The following GIN1 variants were observed in gnomAD, a reference collection of about 807,000 sequenced individuals.
The protein encoded by GIN1 is gypsy retrotransposon integrase-like protein 1.
Under a neutral mutation model 51.4 loss-of-function variants are expected in GIN1, and 41 were observed. That is an observed-to-expected ratio of 0.80 (90% CI 0.62 to 1.04). The LOEUF (loss-of-function observed/expected upper bound fraction) is 1.04, where lower values mean the gene tolerates loss of function less well. Ranked by LOEUF, GIN1 falls within the 50% of genes least tolerant of loss-of-function variation. The pLI, the probability that GIN1 is intolerant of heterozygous loss-of-function variation, is 0.00. For missense variants in GIN1, 610 were observed against 612.4 expected (o/e 1.00, Z 0.04); for synonymous variants, 222 against 206.5 (o/e 1.07, Z -0.64).
chr5:103,095,168 G>A (rs76396052), intron 7 of GIN1, among the ~76,000 whole-genome samples: 63 of 152,274 alleles, frequency 4.1e-4, no homozygotes, highest in African/African-American at 1.5e-3. Context: ...TCCATTAAAT[G>A]TTACTTATAT....
rs1336888912 is a variant in GIN1, at chr5:103,120,079, T to C, written c.-23A>G. ...GACCACTCACCGAGGTGGTCCTAAA[T>C]TCAAACGACAGATTTAAGCTTCCTC... On this transcript the variant is annotated 5_prime_UTR_variant, in exon 1 of 8. Transcript: ENST00000399004. 6 of 190,582 alleles carry C rather than the reference T, an allele frequency of 3.1e-5. No homozygotes were observed. The South Asian group carries it at 5.0e-4, about 16-fold the overall frequency. 11.8% of individuals were successfully genotyped at this position (190,582 alleles called of 1,614,324 possible).
chr5:103,104,916 A>G, intron 3 of GIN1, 70 bp from the exon 4 acceptor site: 1 of 948,158 alleles, frequency 1.1e-6, no homozygotes. Context: ...AAGCAGTCTT[A>G]TAAATCTGAA....
At chr5:103,117,879 T>C (rs1220119049) in intron 1 of GIN1, among the ~76,000 whole-genome samples, 7 of 152,126 alleles carry the variant, frequency 4.6e-5, no homozygotes, top group Non-Finnish European at 8.8e-5. Flanking sequence ...TGGTGTCTCT[T>C]ACTTCAAATT....
intron 4 of GIN1, chr5:103,102,291 A>G (rs1304799444): frequency 6.6e-6 from 1 of 152,174 alleles, no homozygotes; most frequent in East Asian, 1.9e-4. Flanking sequence ...TACTAGACAC[A>G]TTTGTGACAC....
chr5:103,109,890 C>CT, intron 1 of GIN1, among the ~76,000 whole-genome samples: 1 of 152,054 alleles, frequency 6.6e-6, no homozygotes, highest in African/African-American at 2.4e-5. Flanking sequence ...TAAGGACAGA[C>CT]AAATACATCA....
At chr5:103,119,064 ACTTTGTCCC>A (rs1262643102) in intron 1 of GIN1, among the ~76,000 whole-genome samples, 2 of 152,200 alleles carry the variant, frequency 1.3e-5, no homozygotes, top group African/African-American at 2.4e-5. Flanking sequence ...AGCTTTATAC[ACTTTGTCCC>A]CTCCATAAAA....
intron 4 of GIN1, among the ~76,000 whole-genome samples, chr5:103,099,960 T>C (rs1787522731): frequency 6.6e-6 from 1 of 152,228 alleles, no homozygotes; most frequent in Non-Finnish European, 1.5e-5. Context: ...CATTTTGTAC[T>C]GTCATCGTTA....
intron 1 of GIN1, among the ~76,000 whole-genome samples, chr5:103,112,928 G>A (rs1787927290): frequency 1.3e-5 from 2 of 151,824 alleles, no homozygotes; most frequent in Non-Finnish European, 2.9e-5. Flanking sequence ...GAAAAGAGGA[G>A]GAAATCAGCA....
intron 3 of GIN1, among the ~76,000 whole-genome samples, chr5:103,106,367 T>C (rs1787725664): frequency 6.6e-6 from 1 of 152,142 alleles, no homozygotes; most frequent in East Asian, 1.9e-4. Context: ...TATTCTCCCC[T>C]TAAGAAAACC....
chr5:103,092,424 A>C (rs981088861), intron 7 of GIN1, among the ~76,000 whole-genome samples: 1 of 152,198 alleles, frequency 6.6e-6, no homozygotes, highest in African/African-American at 2.4e-5. Flanking sequence ...GTATTTCTTC[A>C]ATCAGAAAAA....
Position 103,087,848 on chromosome 5 carries a change from A to G in GIN1, c.*50T>C. 1 of 757,526 alleles carries G rather than the reference A, an allele frequency of 1.3e-6. No homozygotes were observed. The highest frequency in any genetic ancestry group is 3.0e-5 in the Admixed American group (1 of 32,974). 46.9% of individuals were successfully genotyped at this position (757,526 alleles called of 1,614,324 possible). Reference sequence around the variant, plus strand: ...CAACGTTTTTAATGAATAAGATATCATTAAGAATTTATATTCTAAACAAAC... The same window carrying G: ...CAACGTTTTTAATGAATAAGATATCGTTAAGAATTTATATTCTAAACAAAC... On this transcript the variant is annotated 3_prime_UTR_variant, in exon 8 of 8. Coordinates refer to ENST00000399004, the MANE Select transcript of GIN1 (RefSeq NM_017676.2).
chr5:103,107,718 T>C (rs1554196495), intron 2 of GIN1, among the ~76,000 whole-genome samples: 1 of 152,134 alleles, frequency 6.6e-6, no homozygotes, highest in East Asian at 1.9e-4. Flanking sequence ...AGAAACCCAG[T>C]TAACATTTGT....
At chr5:103,100,202 G>C (rs1554195625) in intron 4 of GIN1, among the ~76,000 whole-genome samples, 2 of 151,496 alleles carry the variant, frequency 1.3e-5, no homozygotes, top group Non-Finnish European at 2.9e-5. Flanking sequence ...CTGGGCTCAA[G>C]CGATCTTCCC....
At chr5:103,113,767 C>T (rs1787948953) in intron 1 of GIN1, among the ~76,000 whole-genome samples, 1 of 152,108 alleles carries the variant, frequency 6.6e-6, no homozygotes, top group African/African-American at 2.4e-5. Flanking sequence ...AGTGATCCAC[C>T]CACCTTAGCC....
At chr5:103,107,828 T>C (rs1396048129) in intron 2 of GIN1, among the ~76,000 whole-genome samples, 1 of 152,108 alleles carries the variant, frequency 6.6e-6, no homozygotes, top group African/African-American at 2.4e-5. Flanking sequence ...TTGGTAGGGA[T>C]ATACACAGGG....
rs1562327661 is a variant in GIN1, at chr5:103,096,883, G to A, written c.1009-57C>T. 1.2e-5 allele frequency: 13 copies of A among 1,086,528 alleles called. No individual in the cohort carries two copies. The South Asian group carries it at 1.6e-4, about 13-fold the overall frequency. The allele number at this position is 1,086,528 out of a possible 1,614,324, so 67.3% of individuals were successfully genotyped here. ...ATGAAAGAGCTATAATATCTTGAAGGTAAATGCAAATAATGAGAATATTGT... is the reference window on the plus strand; with the variant it reads ...ATGAAAGAGCTATAATATCTTGAAGATAAATGCAAATAATGAGAATATTGT... On this transcript the variant is annotated intron_variant, in intron 6 of 7. Transcript: ENST00000399004.
chr5:103,095,415 T>C (rs1787364588), intron 7 of GIN1, among the ~76,000 whole-genome samples: 1 of 152,194 alleles, frequency 6.6e-6, no homozygotes, highest in Non-Finnish European at 1.5e-5. Context: ...CACCTCTTCT[T>C]ACAGCACCTT....
chr5:103,098,972 A>AT (rs552405265), intron 4 of GIN1, among the ~76,000 whole-genome samples: 14 of 152,026 alleles, frequency 9.2e-5, no homozygotes, highest in Non-Finnish European at 1.9e-4. Flanking sequence ...ATAAAATAAT[A>AT]TTTTTTTCCT....
At chr5:103,101,856 A>G (rs73199704) in intron 4 of GIN1, among the ~76,000 whole-genome samples, 2,486 of 152,348 alleles carry the variant, frequency 0.016, 60 homozygotes, top group African/African-American at 0.057. Context: ...TAAAAAATAT[A>G]AATAGAAGTT....
Sources: gnomAD v4.1 joint callset for allele counts (sites outside exome capture counted in the v4.1 genomes callset) on GRCh38, gnomAD v4.1.1 for gene constraint, MANE v1.5 for transcripts, NCBI Gene and HGNC (gene_info 2026-07-23, HGNC 2026-07-21) for gene names.